ST7L: variants seen among roughly 807,000 people sequenced by gnomAD.
ST7L encodes suppression of tumorigenicity 7 like.
In ST7L, 57 loss-of-function variants were observed where a neutral mutation model predicts 72.5. That is an observed-to-expected ratio of 0.79 (90% CI 0.64 to 0.98). The LOEUF is 0.98. Among genes scored for constraint, ST7L ranks in the 50% least tolerant of loss-of-function variants. The pLI is 0.00. For synonymous variants in ST7L, 221 were observed against 240.9 expected (o/e 0.92, Z 0.77); for missense variants, 576 against 672.2 (o/e 0.86, Z 1.58).
intron 13 of ST7L, 61 bp downstream of exon 13, chr1:112,550,540 C>G (rs1324172627): frequency 7.6e-7 from 1 of 1,309,676 alleles, no homozygotes; most frequent in Non-Finnish European, 1.1e-6. Context: ...ATGGAGAATA[C>G]TATGACAAAC....
chr1:112,518,902 C>T (rs998697196), downstream of ST7L, among the ~76,000 whole-genome samples: 2 of 152,134 alleles, frequency 1.3e-5, no homozygotes, highest in African/African-American at 4.8e-5. Context: ...CTCTGTTGTC[C>T]AATACAGTAG....
chr1:112,578,797 A>C (rs1663577510), intron 9 of ST7L, among the ~76,000 whole-genome samples: 1 of 152,196 alleles, frequency 6.6e-6, no homozygotes, highest in Non-Finnish European at 1.5e-5. Context: ...AACAAAACAA[A>C]ACAAAAAAAA....
chr1:112,601,775 G>T (rs1167668507), intron 3 of ST7L, among the ~76,000 whole-genome samples: 1 of 151,840 alleles, frequency 6.6e-6, no homozygotes, highest in Admixed American at 6.6e-5. Flanking sequence ...GTGTAAATGG[G>T]GTTAGAAAAT....
intron 11 of ST7L, among the ~76,000 whole-genome samples, chr1:112,569,975 C>CA (rs1031345864): frequency 6.0e-5 from 8 of 133,374 alleles, no homozygotes; most frequent in African/African-American, 2.2e-4. Context: ...AAAAAAAAAA[C>CA]AAAAAAACTA....
intron 9 of ST7L, among the ~76,000 whole-genome samples, chr1:112,578,887 T>G (rs1663593086): frequency 6.6e-6 from 1 of 152,194 alleles, no homozygotes; most frequent in African/African-American, 2.4e-5. Flanking sequence ...TATAATATAG[T>G]AGGAAAAACC....
chr1:112,575,567 G>A (rs181116993), intron 11 of ST7L, among the ~76,000 whole-genome samples: 1 of 152,268 alleles, frequency 6.6e-6, no homozygotes, highest in Non-Finnish European at 1.5e-5. Context: ...GTGACTAATG[G>A]GCGGGTAGCA....
At chr1:112,599,102 ATATATATATG>A (rs1337776976) in intron 4 of ST7L, among the ~76,000 whole-genome samples, 2 of 84,720 alleles carry the variant, frequency 2.4e-5, no homozygotes, top group East Asian at 3.6e-4. Flanking sequence ...ATATATATAT[ATATATATATG>A]TGGATGTGTG....
chr1:112,569,633 G>A (rs754190818), intron 11 of ST7L, among the ~76,000 whole-genome samples: 1 of 152,126 alleles, frequency 6.6e-6, no homozygotes, highest in African/African-American at 2.4e-5. Context: ...CTTTAAAAGT[G>A]AATTTTATAG....
chr1:112,610,618 G>C (rs570508622), intron 3 of ST7L: 1 of 454,806 alleles, frequency 2.2e-6, no homozygotes, highest in Non-Finnish European at 3.8e-6. Flanking sequence ...GCAGCTCTCT[G>C]GGGTCTCTCA....
chr1:112,583,978 G>C lies in ST7L; in HGVS notation c.850C>G (p.Gln284Glu). ...CCAGTTCAAACTTGCTTACTCAGTT[G>C]AGCTTCATGCTGAGGACTTTGGTGC... ...CQHQSPQHEA[Q>E]LRRDTNVLVY... Residue 284 changes from glutamine to glutamate, a missense_variant, in exon 7 of 15, where the codon CAA becomes GAA. Coordinates refer to ENST00000358039, the MANE Select transcript of ST7L (RefSeq NM_017744.5). 2.5e-6 allele frequency: 4 copies of C among 1,613,502 alleles called. No individual in the cohort carries two copies. Among genetic ancestry groups the C allele is most frequent in the Non-Finnish European group, 3.4e-6 (4 of 1,179,798 alleles).
At chr1:112,584,645 G>A (rs1488579862) in intron 6 of ST7L, among the ~76,000 whole-genome samples, 4 of 151,864 alleles carry the variant, frequency 2.6e-5, no homozygotes, top group African/African-American at 7.3e-5. Flanking sequence ...GCAGCACCAC[G>A]CCCGGCTAAT....
At chr1:112,610,123 C>CAGTAGGAA (rs1435103396) in intron 3 of ST7L, among the ~76,000 whole-genome samples, 1 of 151,976 alleles carries the variant, frequency 6.6e-6, no homozygotes, top group Non-Finnish European at 1.5e-5. Context: ...CAGACCTGAC[C>CAGTAGGAA]AGTAGGAAGT....
Position 112,617,932 on chromosome 1 carries a change from T to C in ST7L, c.205+977A>G, listed in dbSNP as rs1037242608. 2.7e-5 allele frequency: 34 copies of C among 1,237,444 alleles called. No homozygotes were observed. The African/African-American group carries it at 4.8e-4, about 18-fold the overall frequency. The allele number at this position is 1,237,444 out of a possible 1,614,324, so 76.7% of individuals were successfully genotyped here. A position where few individuals can be genotyped will look rare whatever the true frequency, so the allele number is the denominator to read the frequency against. Reference sequence around the variant, plus strand: ...AAATTAGCTCTTCAGTTTAGCTTATTTTAGAGTGCTAGTTATATTTGAACT... The same window carrying C: ...AAATTAGCTCTTCAGTTTAGCTTATCTTAGAGTGCTAGTTATATTTGAACT... On this transcript the variant is annotated intron_variant, in intron 1 of 14. Coordinates refer to ENST00000358039, the MANE Select transcript of ST7L (RefSeq NM_017744.5).
At chr1:112,555,622 C>T (rs770695353) in intron 12 of ST7L, among the ~76,000 whole-genome samples, 14 of 152,146 alleles carry the variant, frequency 9.2e-5, no homozygotes, top group Non-Finnish European at 2.1e-4. Context: ...TCTTTCCTTA[C>T]AAATATGTAA....
At chr1:112,542,817 A>ATT (rs1209344531) in intron 13 of ST7L, among the ~76,000 whole-genome samples, 17 of 151,404 alleles carry the variant, frequency 1.1e-4, no homozygotes, top group African/African-American at 3.4e-4. Flanking sequence ...TTTTTTTTGA[A>ATT]GAAGAAGAGT....
chr1:112,550,676 A>G lies in ST7L; in HGVS notation c.1414T>C (p.Tyr472His). 6.2e-7 allele frequency: 1 copy of G among 1,613,062 alleles called. No homozygotes were observed. The highest frequency in any genetic ancestry group is 1.1e-5 in the South Asian group (1 of 90,940). ...AATAGATGTCCTTTCTCTAACGGGT[A>G]TGGAATCATTCTAAAAGCTGAGGAA... ...TWEGTFRMIP[Y>H]PLEKGHLFYP... The change falls in exon 13 of 15, where the codon TAC (tyrosine) becomes CAC (histidine). Residue 472 changes from tyrosine (Y) to histidine (H), a missense_variant. By Grantham distance (83) the Tyr-to-His change is moderately conservative. Coordinates refer to ENST00000358039, the MANE Select transcript of ST7L (RefSeq NM_017744.5).
chr1:112,520,437 G>A, downstream of ST7L: 1 of 1,614,176 alleles, frequency 6.2e-7, no homozygotes, highest in Non-Finnish European at 8.5e-7. Flanking sequence ...TACGGTGCAA[G>A]GAATGCAGAA....
At chr1:112,574,360 T>C (rs1490030517) in intron 11 of ST7L, among the ~76,000 whole-genome samples, 2 of 150,046 alleles carry the variant, frequency 1.3e-5, no homozygotes, top group African/African-American at 4.9e-5. Context: ...GAAGAGTCTG[T>C]CTTAAAAAGA....
At chr1:112,610,690 C>T (rs1351954395) in intron 3 of ST7L, 151 bp downstream of exon 3, 8 of 939,578 alleles carry the variant, frequency 8.5e-6, no homozygotes, top group African/African-American at 3.3e-5. Context: ...TCCCAAAGAC[C>T]CTACCTCGTA....
Sources: gnomAD v4.1 joint callset for allele counts (sites outside exome capture counted in the v4.1 genomes callset) on GRCh38, gnomAD v4.1.1 for gene constraint, MANE v1.5 for transcripts, NCBI Gene and HGNC (gene_info 2026-07-23, HGNC 2026-07-21) for gene names.